TNFRSF1B: variants seen among roughly 807,000 people sequenced by gnomAD.
TNFRSF1B encodes the protein TNF receptor superfamily member 1B.
In TNFRSF1B, 19 loss-of-function variants were observed where a neutral mutation model predicts 44.6. The observed-to-expected ratio is 0.43, with a 90% CI of 0.30 to 0.62. The LOEUF is 0.62. TNFRSF1B is among the 20% of genes least tolerant of loss of function. The probability of loss-of-function intolerance (pLI) is 0.16; values close to 1 mark genes in which losing one functional copy is unlikely to be tolerated. For missense variants in TNFRSF1B, 541 were observed against 619.9 expected (o/e 0.87, Z 1.35); for synonymous variants, 252 against 261.1 (o/e 0.97, Z 0.34).
At chr1:12,196,107 T>G (rs1639260049) in intron 8 of TNFRSF1B, among the ~76,000 whole-genome samples, 1 of 152,056 alleles carries the variant, frequency 6.6e-6, no homozygotes, top group Admixed American at 6.6e-5. Context: ...TCAAGACTAG[T>G]CTGGCCATCA....
intron 1 of TNFRSF1B, among the ~76,000 whole-genome samples, chr1:12,174,106 C>T (rs1638580107): frequency 6.6e-6 from 1 of 151,030 alleles, no homozygotes; most frequent in African/African-American, 2.4e-5. Context: ...AGCCACTCTG[C>T]ATCTCTGAGA....
intron 8 of TNFRSF1B, among the ~76,000 whole-genome samples, chr1:12,200,834 T>C (rs1484833205): frequency 6.6e-6 from 1 of 152,162 alleles, no homozygotes; most frequent in Non-Finnish European, 1.5e-5. Context: ...TTGGTCAGGC[T>C]GGTCCCCAAC....
In TNFRSF1B at chr1:12,191,812, C is replaced by T. The variant is rs1639140044; in HGVS notation, c.346C>T (p.Arg116Cys). 2 of 1,613,374 alleles carry T rather than the reference C, an allele frequency of 1.2e-6. No individual in the cohort carries two copies. The highest frequency in any genetic ancestry group is 1.7e-5 in the Admixed American group (1 of 59,998). The change falls in exon 4 of 10, where the codon CGC becomes TGC. Residue 116 changes from arginine (R) to cysteine (C), a missense_variant. Transcript: ENST00000376259. ...ETQACTREQN[R>C]ICTCRPGWYC... ...TCAAGCCTGCACTCGGGAACAGAAC[C>T]GCATCTGCACCTGCAGGCCCGGCTG...
rs1210549480 is a variant in TNFRSF1B at position 12,186,121 on chromosome 1, G to GA, written c.79-2673dup. Among the ~76,000 whole-genome samples the GA allele has an allele frequency of 6.6e-6, 1 of 152,196 alleles. No homozygotes were observed. Among genetic ancestry groups the GA allele is most frequent in the Non-Finnish European group, 1.5e-5 (1 of 68,012 alleles). ...AGAGTGGCAGATTGCTCCATGGCAG[G>GA]AAGCCCCAGCTCCTCTGGGTCGTTC... On this transcript the variant is annotated intron_variant, in intron 1 of 9. Coordinates refer to ENST00000376259, the MANE Select transcript of TNFRSF1B (RefSeq NM_001066.3). The surrounding 1 kb of genome is among the most constrained non-coding windows in gnomAD (Gnocchi z 4.8).
intron 9 of TNFRSF1B, among the ~76,000 whole-genome samples, chr1:12,206,129 T>C (rs1639496892): frequency 6.6e-6 from 1 of 152,094 alleles, no homozygotes; most frequent in African/African-American, 2.4e-5. Flanking sequence ...GGCTCACACC[T>C]GTAATCTCAG....
At chr1:12,176,543 A>G (rs1638660702) in intron 1 of TNFRSF1B, among the ~76,000 whole-genome samples, 1 of 152,122 alleles carries the variant, frequency 6.6e-6, no homozygotes, top group Admixed American at 6.5e-5. Flanking sequence ...AACAAAACAA[A>G]ACCCCCTCAA....
At chr1:12,196,718 T>C (rs1639273493) in intron 8 of TNFRSF1B, among the ~76,000 whole-genome samples, 1 of 152,214 alleles carries the variant, frequency 6.6e-6, no homozygotes, top group African/African-American at 2.4e-5. Flanking sequence ...GGAGGAAATT[T>C]TCTCATTCCC....
chr1:12,197,774 C>T (rs1187779860), intron 8 of TNFRSF1B, among the ~76,000 whole-genome samples: 1 of 152,168 alleles, frequency 6.6e-6, no homozygotes, highest in Non-Finnish European at 1.5e-5. Flanking sequence ...ACCTGCTCCT[C>T]CTGCCACAGA....
chr1:12,194,544 A>C, intron 7 of TNFRSF1B, 40 bp from the exon 8 acceptor site: 7 of 1,613,464 alleles, frequency 4.3e-6, no homozygotes, highest in Non-Finnish European at 5.9e-6. Flanking sequence ...GATGTGCCTG[A>C]GGAAGTCAAT....
chr1:12,206,600 C>A (rs1639507705), intron 9 of TNFRSF1B, 140 bp from the exon 10 acceptor site: 2 of 897,376 alleles, frequency 2.2e-6, no homozygotes, highest in Admixed American at 6.0e-5. Flanking sequence ...GGTCACACAG[C>A]AGAGCTGGGC....
rs1418759438 is a variant in TNFRSF1B, at chr1:12,169,535, G to A, written c.78+2366G>A. ...AAGCTCCTTTCACTGCACCCTCCCCGTGCCCGTATCTGCACTCATGCTCCC... is the reference window on the plus strand; with the variant it reads ...AAGCTCCTTTCACTGCACCCTCCCCATGCCCGTATCTGCACTCATGCTCCC... On this transcript the variant is annotated intron_variant, in intron 1 of 9. Coordinates refer to ENST00000376259, the MANE Select transcript of TNFRSF1B (RefSeq NM_001066.3). The surrounding 1 kb of genome is among the most constrained non-coding windows in gnomAD (Gnocchi z 4.5). Among the ~76,000 whole-genome samples, 1 of 152,112 alleles carries A rather than the reference G, an allele frequency of 6.6e-6. No homozygotes were observed. The highest frequency in any genetic ancestry group is 1.5e-5 in the Non-Finnish European group (1 of 68,014).
At chr1:12,179,126 G>A (rs1001608443) in intron 1 of TNFRSF1B, among the ~76,000 whole-genome samples, 2 of 152,126 alleles carry the variant, frequency 1.3e-5, no homozygotes, top group African/African-American at 4.8e-5. Context: ...TTAGCACAAA[G>A]CCTGGCTCCA....
At chr1:12,188,705 C>A in intron 1 of TNFRSF1B, 91 bp from the exon 2 acceptor site, 3 of 1,227,522 alleles carry the variant, frequency 2.4e-6, no homozygotes, top group Non-Finnish European at 3.5e-6. Flanking sequence ...AGGGGGAGGG[C>A]CAAACATTTG....
Position 12,202,089 on chromosome 1 carries a change from G to T in TNFRSF1B, c.1023G>T (p.Arg341Ser). Residue 341 changes from arginine (R) to serine (S), a missense_variant, in exon 9 of 10, where the codon AGG becomes AGT. Physicochemically the swap from Arg to Ser is moderately radical, Grantham distance 110. Coordinates refer to ENST00000376259, the MANE Select transcript of TNFRSF1B (RefSeq NM_001066.3). ...LESSASALDR[R>S]APTRNQPQAP... is the part of the protein sequence containing the mutation. ...GCTCGGCCAGTGCGTTGGACAGAAG[G>T]GCGCCCACTCGGAACCAGCCACAGG... 1.3e-6 allele frequency: 2 copies of T among 1,587,288 alleles called. No individual in the cohort carries two copies. Among genetic ancestry groups the T allele is most frequent in the Non-Finnish European group, 1.7e-6 (2 of 1,167,614 alleles).
chr1:12,199,024 A>G lies in TNFRSF1B; in HGVS notation c.901-2943A>G, dbSNP rs904832323. On this transcript the variant is annotated intron_variant, in intron 8 of 9. Transcript: ENST00000376259. The surrounding 1 kb of genome is among the most constrained non-coding windows in gnomAD (Gnocchi z 4.0). The stretch of plus-strand genomic sequence containing the variant: ...TCCTGTGTTTTGAATGAGGCTCCTC[A>G]GTACTCGGCTCTACTGGGGTCCCAG... Among the ~76,000 whole-genome samples, 1 of 152,094 alleles carries G rather than the reference A, an allele frequency of 6.6e-6. No individual in the cohort carries two copies. The highest frequency in any genetic ancestry group is 1.5e-5 in the Non-Finnish European group (1 of 68,016).
At chr1:12,167,751 G>A (rs1327308961) in intron 1 of TNFRSF1B, among the ~76,000 whole-genome samples, 3 of 152,220 alleles carry the variant, frequency 2.0e-5, no homozygotes, top group Non-Finnish European at 4.4e-5. Flanking sequence ...CTGCCTGTCT[G>A]CTTCCTCCGA....
intron 9 of TNFRSF1B, among the ~76,000 whole-genome samples, chr1:12,204,378 C>T (rs1639456108): frequency 6.6e-6 from 1 of 152,188 alleles, no homozygotes; most frequent in Non-Finnish European, 1.5e-5. Flanking sequence ...CTTGTGATTT[C>T]AACCCTCCTC....
chr1:12,196,760 A>G (rs972369840), intron 8 of TNFRSF1B, among the ~76,000 whole-genome samples: 6 of 152,076 alleles, frequency 3.9e-5, no homozygotes, highest in Non-Finnish European at 7.4e-5. Context: ...CCCTTTCTCC[A>G]GCTTCAATTC....
intron 2 of TNFRSF1B, among the ~76,000 whole-genome samples, chr1:12,189,863 G>A (rs777220947): frequency 4.6e-4 from 70 of 152,214 alleles, no homozygotes; most frequent in Non-Finnish European, 8.7e-4. Context: ...GAGGGAGCAG[G>A]TCATGCATGT....
Sources: allele counts gnomAD v4.1 joint callset (sites outside exome capture counted in the v4.1 genomes callset), GRCh38; gene constraint gnomAD v4.1.1; non-coding constraint Gnocchi (gnomAD v3.1); transcripts MANE v1.5; gene names NCBI Gene and HGNC (gene_info 2026-07-23, HGNC 2026-07-21).